COL14A1: variants seen among roughly 807,000 people sequenced by gnomAD.
COL14A1 encodes collagen type XIV alpha 1 chain.
A neutral mutation model predicts 230.3 loss-of-function variants in COL14A1; 136 were observed. The observed-to-expected ratio is 0.59, with a 90% CI of 0.51 to 0.68. The LOEUF (loss-of-function observed/expected upper bound fraction) is 0.68. Among genes scored for constraint, COL14A1 ranks in the 30% least tolerant of loss-of-function variants. The pLI is 0.00. For synonymous variants in COL14A1, 792 were observed against 784.1 expected, an observed-to-expected ratio of 1.01 and a Z score of -0.17; for missense variants, 1,976 against 2,215.8, an observed-to-expected ratio of 0.89 and a Z score of 2.17.
At chr8:120,161,672 T>A (rs1815674362) in intron 3 of COL14A1, among the ~76,000 whole-genome samples, 1 of 151,578 alleles carries the variant, frequency 6.6e-6, no homozygotes, top group Non-Finnish European at 1.5e-5. Flanking sequence ...CCCTTCACAT[T>A]TTTTTTTTGA....
rs1022542627 is a variant in COL14A1, at chr8:120,372,656, G to T, written c.*1425G>T. Among the ~76,000 whole-genome samples the T allele has an allele frequency of 6.6e-6, 1 of 152,102 alleles. No individual in the cohort carries two copies. Among genetic ancestry groups the T allele is most frequent in the African/African-American group, 2.4e-5 (1 of 41,416 alleles). On this transcript the variant is annotated 3_prime_UTR_variant, in exon 48 of 48. Transcript: ENST00000297848. ...CAGGAAAAGGCTAACACGAAGGATG[G>T]TGTCTGTCTGATCACCAGGTTCTCT...
chr8:120,128,716 C>T (rs1206557934), intron 1 of COL14A1, among the ~76,000 whole-genome samples: 1 of 152,120 alleles, frequency 6.6e-6, no homozygotes, highest in Non-Finnish European at 1.5e-5. Flanking sequence ...GCCTAGACTC[C>T]CCGTTTCCTC....
intron 2 of COL14A1, among the ~76,000 whole-genome samples, chr8:120,152,045 C>T (rs988451230): frequency 3.9e-5 from 6 of 152,134 alleles, no homozygotes; most frequent in Non-Finnish European, 5.9e-5. Context: ...CGACACCATC[C>T]TTTTAGCCCG....
At position 120,197,820 on chromosome 8, in the gene COL14A1, A is replaced by G; in HGVS notation, c.602A>G (p.Gln201Arg). 6.2e-7 allele frequency: 1 copy of G among 1,612,010 alleles called. No homozygotes were observed. Among genetic ancestry groups the G allele is most frequent in the Non-Finnish European group, 8.5e-7 (1 of 1,178,720 alleles). Reference sequence around the variant, plus strand: ...TAATCTTTTTTTCCAGGTCTTGCACAGTATAGTGGTGACCCCAGAATAGAA... The same window carrying G: ...TAATCTTTTTTTCCAGGTCTTGCACGGTATAGTGGTGACCCCAGAATAGAA... ...GSEKTRIGLA[Q>R]YSGDPRIEWH... Residue 201 changes from glutamine to arginine, a missense_variant, in exon 7 of 48, where the codon CAG (glutamine) becomes CGG (arginine). By Grantham distance (43) the Gln-to-Arg change is conservative. Coordinates refer to ENST00000297848, the MANE Select transcript of COL14A1 (RefSeq NM_021110.4).
chr8:120,212,344 A>G, intron 12 of COL14A1, 104 bp from the exon 13 acceptor site: 12 of 1,136,830 alleles, frequency 1.1e-5, no homozygotes, highest in Non-Finnish European at 1.5e-5. Context: ...TTGTAACAGG[A>G]CGTAAAGTCT....
chr8:120,371,081 C>G, intron 47 of COL14A1, 71 bp from the exon 48 acceptor site: 1 of 1,324,038 alleles, frequency 7.6e-7, no homozygotes, highest in Non-Finnish European at 1.1e-6. Context: ...TCTAAGGACC[C>G]AGGTGAGGGG....
chr8:120,277,148 T>A (rs1160980775), intron 26 of COL14A1, among the ~76,000 whole-genome samples: 1 of 152,156 alleles, frequency 6.6e-6, no homozygotes, highest in Non-Finnish European at 1.5e-5. Context: ...TAGTAGTGGT[T>A]AAGAACATAC....
At chr8:120,304,565 C>T (rs6985324) in intron 36 of COL14A1, among the ~76,000 whole-genome samples, 82,161 of 152,018 alleles carry the variant, frequency 0.54, 24,006 homozygotes, top group African/African-American at 0.79. Context: ...TGGCTTGTTA[C>T]GTGAATCATT....
At chr8:120,235,088 AG>A (rs1173290718) in intron 19 of COL14A1, among the ~76,000 whole-genome samples, 2 of 152,140 alleles carry the variant, frequency 1.3e-5, no homozygotes, top group African/African-American at 2.4e-5. Context: ...TAGATTTTCT[AG>A]TTTATTTGCA....
intron 14 of COL14A1, among the ~76,000 whole-genome samples, chr8:120,220,772 T>C (rs1817907494): frequency 6.6e-6 from 1 of 152,084 alleles, no homozygotes. Context: ...TAATTGATGA[T>C]GATAATGATG....
At chr8:120,258,853 T>C (rs935624492) in intron 23 of COL14A1, among the ~76,000 whole-genome samples, 5 of 152,166 alleles carry the variant, frequency 3.3e-5, no homozygotes, top group Non-Finnish European at 7.4e-5. Flanking sequence ...TTTATCCCTC[T>C]CTCCAGCTGT....
intron 1 of COL14A1, among the ~76,000 whole-genome samples, chr8:120,128,624 A>G (rs917508092): frequency 6.6e-6 from 1 of 152,174 alleles, no homozygotes; most frequent in Admixed American, 6.5e-5. Context: ...AATCCTAGAT[A>G]CTTGGGAGGC....
intron 41 of COL14A1, 74 bp downstream of exon 41, chr8:120,332,268 GCCAGATCTTTTA>G: frequency 2.1e-6 from 3 of 1,420,326 alleles, no homozygotes; most frequent in Non-Finnish European, 3.0e-6. Context: ...GTTTTCTTTT[GCCAGATCTTTTA>G]CCAGCAGCCG....
chr8:120,283,182 G>T (rs1820091615), intron 31 of COL14A1, among the ~76,000 whole-genome samples: 1 of 152,136 alleles, frequency 6.6e-6, no homozygotes, highest in Non-Finnish European at 1.5e-5. Context: ...TCTGGATGGT[G>T]CAACACAGAT....
intron 1 of COL14A1, among the ~76,000 whole-genome samples, chr8:120,141,683 G>C (rs1271527161): frequency 6.6e-6 from 1 of 152,124 alleles, no homozygotes; most frequent in Non-Finnish European, 1.5e-5. Context: ...TAGTTAAAAA[G>C]TACATGAGAT....
rs904448944 is a variant in COL14A1 at position 120,178,984 on chromosome 8, A to T, written c.436+10737A>T. Among the ~76,000 whole-genome samples, 8 of 151,548 alleles carry T rather than the reference A, an allele frequency of 5.3e-5. 1 individual carries two copies. Among genetic ancestry groups the T allele is most frequent in the African/African-American group, 1.9e-4 (8 of 41,226 alleles). On this transcript the variant is annotated intron_variant, in intron 5 of 47. Coordinates refer to ENST00000297848, the MANE Select transcript of COL14A1 (RefSeq NM_021110.4). ...TGGACATTAGCCCTTTGTCAGATGG[A>T]TAGATGGCAAAATTTTTCTCCCATT...
At chr8:120,336,034 A>G (rs1822058516) in intron 42 of COL14A1, among the ~76,000 whole-genome samples, 1 of 152,218 alleles carries the variant, frequency 6.6e-6, no homozygotes, top group African/African-American at 2.4e-5. Context: ...CAGTTTCCTA[A>G]TTCATTCATT....
At chr8:120,235,330 C>T (rs930427982) in intron 19 of COL14A1, among the ~76,000 whole-genome samples, 1 of 151,924 alleles carries the variant, frequency 6.6e-6, no homozygotes, top group African/African-American at 2.4e-5. Flanking sequence ...CCACCATGCC[C>T]GGCTAATTTT....
chr8:120,320,697 G>A (rs1374895676), intron 40 of COL14A1, among the ~76,000 whole-genome samples: 1 of 152,170 alleles, frequency 6.6e-6, no homozygotes. Context: ...AAAACTAGTG[G>A]AGGGAATAAT....
Sources: allele counts gnomAD v4.1 joint callset (sites outside exome capture counted in the v4.1 genomes callset), GRCh38; gene constraint gnomAD v4.1.1; transcripts MANE v1.5; gene names NCBI Gene and HGNC (gene_info 2026-07-23, HGNC 2026-07-21).